The following TAOK3 variants were observed in gnomAD, a reference collection of about 807,000 sequenced individuals.
TAOK3 encodes serine/threonine-protein kinase TAO3.
A neutral mutation model predicts 120.4 loss-of-function variants in TAOK3; 40 were observed. That is an observed-to-expected ratio of 0.33 (90% confidence interval 0.26 to 0.43). The LOEUF (loss-of-function observed/expected upper bound fraction) is 0.43, where lower values mean the gene tolerates loss of function less well. Among genes scored for constraint, TAOK3 ranks in the 20% least tolerant of loss-of-function variants. The pLI is 1.00. For synonymous variants in TAOK3, 355 were observed against 387.5 expected (o/e 0.92, Z 0.99); for missense variants, 821 against 1,112.1 (o/e 0.74, Z 3.72).
intron 14 of TAOK3, among the ~76,000 whole-genome samples, chr12:118,186,084 G>C (rs190203346): frequency 6.6e-6 from 1 of 152,258 alleles, no homozygotes; most frequent in Admixed American, 6.5e-5. Context: ...TGAATTATTA[G>C]GGTGCATTTT....
At chr12:118,246,519 G>A in intron 3 of TAOK3, 4 of 1,558,872 alleles carry the variant, frequency 2.6e-6, no homozygotes, top group Non-Finnish European at 1.7e-6. Flanking sequence ...GTGCTCCAAG[G>A]AGGTGGCCAC....
Position 118,217,837 on chromosome 12 carries a change from A to G in TAOK3, c.644-3727T>C, listed in dbSNP as rs1461850882. Among the ~76,000 whole-genome samples, 108 of 105,292 alleles carry G rather than the reference A, an allele frequency of 1.0e-3. 3 individuals are homozygous for G. Among genetic ancestry groups the G allele is most frequent in the South Asian group, 1.7e-3 (5 of 2,886 alleles). 69.1% of individuals were successfully genotyped at this position (105,292 alleles called of 152,430 possible). ...TATACATATATATATATATATATATATATATATATATATATATATATATAC... is the reference window on the plus strand; with the variant it reads ...TATACATATATATATATATATATATGTATATATATATATATATATATATAC... On this transcript the variant is annotated intron_variant, in intron 9 of 20. Transcript: ENST00000392533.
intron 19 of TAOK3, among the ~76,000 whole-genome samples, chr12:118,154,860 T>C (rs185876248): frequency 6.6e-6 from 1 of 152,254 alleles, no homozygotes; most frequent in Non-Finnish European, 1.5e-5. Flanking sequence ...GCGCACAGGA[T>C]TCCCCCCAAG....
At chr12:118,162,252 C>T (rs1432246189) in intron 17 of TAOK3, among the ~76,000 whole-genome samples, 1 of 152,182 alleles carries the variant, frequency 6.6e-6, no homozygotes, top group Non-Finnish European at 1.5e-5. Context: ...TCACAGCAAT[C>T]ACTACTGTAC....
At chr12:118,348,971 C>G (rs1418209928) in intron 1 of TAOK3, among the ~76,000 whole-genome samples, 4 of 151,874 alleles carry the variant, frequency 2.6e-5, no homozygotes, top group Non-Finnish European at 5.9e-5. Flanking sequence ...CCACTGCAAC[C>G]TCTGCCTCCC....
chr12:118,208,939 T>C (rs2038479054), intron 11 of TAOK3, among the ~76,000 whole-genome samples: 1 of 152,146 alleles, frequency 6.6e-6, no homozygotes, highest in Non-Finnish European at 1.5e-5. Flanking sequence ...CTTGAACTCC[T>C]GACCTTGTGA....
At chr12:118,367,181 T>C (rs553947076) in intron 1 of TAOK3, among the ~76,000 whole-genome samples, 2 of 152,274 alleles carry the variant, frequency 1.3e-5, no homozygotes, top group South Asian at 4.1e-4. Context: ...TGATAACAAA[T>C]AAAGAAATTG....
chr12:118,227,345 T>C (rs908012259), intron 9 of TAOK3, among the ~76,000 whole-genome samples: 7 of 148,444 alleles, frequency 4.7e-5, no homozygotes, highest in Non-Finnish European at 7.4e-5. Context: ...ATAAGTAAAA[T>C]ATAAAATAAG....
chr12:118,177,326 T>C lies in TAOK3; in HGVS notation c.1570A>G (p.Lys524Glu). ...KQVAIIEKEA[K>E]VAAADEKKFQ... is the part of the protein sequence containing the mutation. ...TTCTTCTCATCTGCTGCAGCTACCTTTGCCTGATAAAATAACAAATACAAT... is the reference window on the plus strand; with the variant it reads ...TTCTTCTCATCTGCTGCAGCTACCTCTGCCTGATAAAATAACAAATACAAT... The change falls in exon 16 of 21, where the codon AAG becomes GAG. Residue 524 changes from lysine (K) to glutamate (E), a missense_variant. This residue lies in a region of TAOK3 where 354 missense variants were observed against 572.1 expected (regional missense o/e 0.62). Transcript: ENST00000392533. 6.2e-7 allele frequency: 1 copy of C among 1,613,406 alleles called. No homozygotes were observed. The highest frequency in any genetic ancestry group is 8.5e-7 in the Non-Finnish European group (1 of 1,179,898).
chr12:118,166,210 G>A lies in TAOK3; in HGVS notation c.1900-4183C>T, dbSNP rs116651269. Among the ~76,000 whole-genome samples the A allele has an allele frequency of 3.3e-3, 506 of 152,236 alleles. 4 individuals carry two copies. Among genetic ancestry groups the A allele is most frequent in the African/African-American group, 0.012 (483 of 41,544 alleles). ...AAAGAGAACTGAGGCTAAAACTCAG[G>A]TATTTAGCTTCTCAGCATTTTCCAT... On this transcript the variant is annotated intron_variant, in intron 17 of 20. Transcript: ENST00000392533.
intron 14 of TAOK3, 59 bp from the exon 15 acceptor site, chr12:118,181,666 T>C: frequency 1.4e-6 from 2 of 1,479,068 alleles, no homozygotes; most frequent in East Asian, 2.3e-5. Flanking sequence ...CAAGCTTTCA[T>C]GCAAAGTAGA....
At chr12:118,369,755 T>TA (rs11286447) in intron 1 of TAOK3, among the ~76,000 whole-genome samples, 19 of 151,416 alleles carry the variant, frequency 1.3e-4, no homozygotes, top group East Asian at 1.9e-4. Flanking sequence ...AAATTTAATG[T>TA]AAAAAAAAAT....
intron 1 of TAOK3, among the ~76,000 whole-genome samples, chr12:118,363,256 C>T (rs1039741298): frequency 4.6e-5 from 7 of 152,020 alleles, no homozygotes; most frequent in Admixed American, 4.6e-4. Context: ...GAATTCTTCT[C>T]TTAGGAATGC....
intron 14 of TAOK3, among the ~76,000 whole-genome samples, chr12:118,182,623 ATTTTT>A (rs1555215274): frequency 9.7e-5 from 9 of 92,386 alleles, no homozygotes; most frequent in African/African-American, 4.4e-4. Context: ...ATATATATAT[ATTTTT>A]TTTTTTTTTT....
At chr12:118,367,782 G>A (rs549310065) in intron 1 of TAOK3, among the ~76,000 whole-genome samples, 22 of 150,492 alleles carry the variant, frequency 1.5e-4, no homozygotes, top group African/African-American at 4.9e-4. Flanking sequence ...TTTTTTTGGC[G>A]GGGGGTGGGG....
chr12:118,155,926 A>T (rs1013317493), intron 19 of TAOK3, among the ~76,000 whole-genome samples: 1 of 152,082 alleles, frequency 6.6e-6, no homozygotes, highest in Non-Finnish European at 1.5e-5. Flanking sequence ...TTGTAAAGAC[A>T]GGGTCTTGCT....
rs1218126466 is a variant in TAOK3, at chr12:118,266,662, T to G, written c.-96A>C. 7.5e-6 allele frequency: 3 copies of G among 398,044 alleles called. No homozygotes were observed. Among genetic ancestry groups the G allele is most frequent in the African/African-American group, 2.1e-5 (1 of 48,622 alleles). The allele number at this position is 398,044 out of a possible 1,614,324, so 24.7% of individuals were successfully genotyped here. ...AAGTTGTATGGACAATACCTTTTTG[T>G]GTGTGGCACAAAATATTCCATATTG... On this transcript the variant is annotated 5_prime_UTR_variant, in exon 2 of 21. Transcript: ENST00000392533.
intron 1 of TAOK3, among the ~76,000 whole-genome samples, chr12:118,336,286 C>T (rs1000250288): frequency 6.6e-6 from 1 of 152,138 alleles, no homozygotes; most frequent in Non-Finnish European, 1.5e-5. Context: ...CAGAAATAGA[C>T]ATACACGGAT....
At chr12:118,322,236 A>C in intron 1 of TAOK3, among the ~76,000 whole-genome samples, 1 of 149,468 alleles carries the variant, frequency 6.7e-6, no homozygotes, top group East Asian at 2.0e-4. Context: ...AACTACTTGA[A>C]CCTGGGAGGC....
Sources: gnomAD v4.1 joint callset for allele counts (sites outside exome capture counted in the v4.1 genomes callset) on GRCh38, gnomAD v4.1.1 for gene constraint, gnomAD v4.1.1 regional missense constraint, MANE v1.5 for transcripts, NCBI Gene and HGNC (gene_info 2026-07-23, HGNC 2026-07-21) for gene names.